Variants in EGFR observed in about 807,000 individuals in gnomAD.
EGFR encodes the protein epidermal growth factor receptor.
Under a neutral mutation model 143.0 loss-of-function variants are expected in EGFR, and 58 were observed. The observed-to-expected ratio is 0.41, with a 90% CI of 0.33 to 0.50. The LOEUF (loss-of-function observed/expected upper bound fraction) is 0.50, where lower values mean the gene tolerates loss of function less well. Ranked by LOEUF, EGFR falls within the 20% of genes least tolerant of loss-of-function variation. The pLI is 0.39. For synonymous variants in EGFR, 613 were observed against 594.4 expected, an observed-to-expected ratio of 1.03 and a Z score of -0.45; for missense variants, 1,307 against 1,579.0, an observed-to-expected ratio of 0.83 and a Z score of 2.92.
chr7:55,083,918 G>A lies in EGFR; in HGVS notation c.89-58368G>A, dbSNP rs901674446. ...ACAAGAAATCAAGAGGAAGGGATTAGAACATATAGGTTAGCAAGATTGGGA... is the reference window on the plus strand; with the variant it reads ...ACAAGAAATCAAGAGGAAGGGATTAAAACATATAGGTTAGCAAGATTGGGA... On this transcript the variant is annotated intron_variant, in intron 1 of 27. Transcript: ENST00000275493. 1.6e-4 allele frequency among the ~76,000 whole-genome samples: 24 copies of A among 152,282 alleles called. 1 individual carries two copies. Among genetic ancestry groups the A allele is most frequent in the South Asian group, 8.3e-4 (4 of 4,822 alleles).
chr7:55,180,051 C>T (rs1786789857), intron 19 of EGFR: 1 of 152,506 alleles, frequency 6.6e-6, no homozygotes, highest in African/African-American at 2.4e-5. Context: ...CTCCTATCTC[C>T]ACCCTGCCTC....
intron 20 of EGFR, 21 bp from the exon 21 acceptor site, chr7:55,191,698 G>A (rs2128964296): frequency 6.2e-7 from 1 of 1,613,346 alleles, no homozygotes; most frequent in Non-Finnish European, 8.5e-7. Flanking sequence ...GTCCCTCACA[G>A]CAGGGTCTTC....
chr7:55,039,010 G>C (rs892185865), intron 1 of EGFR, among the ~76,000 whole-genome samples: 1 of 151,210 alleles, frequency 6.6e-6, no homozygotes, highest in African/African-American at 2.4e-5. Flanking sequence ...GTTAGTAATT[G>C]CCAGAGGTGG....
intron 11 of EGFR, among the ~76,000 whole-genome samples, chr7:55,158,260 A>G (rs1785526441): frequency 6.6e-6 from 1 of 152,234 alleles, no homozygotes; most frequent in Non-Finnish European, 1.5e-5. Context: ...TGGAATAGAC[A>G]TGCAGGTGCT....
Position 55,157,723 on chromosome 7 carries a change from T to G in EGFR, c.1268T>G (p.Leu423Arg). Residue 423 changes from leucine to arginine, a missense_variant, in exon 11 of 28, where the codon CTA becomes CGA. Leu to Arg is a moderately radical substitution (Grantham distance 102, BLOSUM62 -2). Transcript: ENST00000275493. ...NRTDLHAFEN[L>R]EIIRGRTKQH... ...ACGGACCTCCATGCCTTTGAGAACC[T>G]AGAAATCATACGCGGCAGGACCAAG... 6.2e-7 allele frequency: 1 copy of G among 1,614,224 alleles called. No individual in the cohort carries two copies. Among genetic ancestry groups the G allele is most frequent in the Non-Finnish European group, 8.5e-7 (1 of 1,180,030 alleles).
At chr7:55,166,618 G>T (rs1417552670) in intron 15 of EGFR, among the ~76,000 whole-genome samples, 1 of 151,094 alleles carries the variant, frequency 6.6e-6, no homozygotes, top group Non-Finnish European at 1.5e-5. Context: ...GGTGGTGATG[G>T]TGGTGAGGAG....
At chr7:55,028,188 T>C (rs563538624) in intron 1 of EGFR, among the ~76,000 whole-genome samples, 6 of 152,126 alleles carry the variant, frequency 3.9e-5, no homozygotes, top group African/African-American at 1.4e-4. Context: ...ATGATTGTTT[T>C]AGCAGTCCTA....
rs764787649 is a variant in EGFR, at chr7:55,165,298, C to A, written c.1741C>A (p.Gln581Lys). The A allele has an allele frequency of 2.5e-6, 4 of 1,614,010 alleles. No homozygotes were observed. The highest frequency in any genetic ancestry group is 3.4e-6 in the Non-Finnish European group (4 of 1,180,030). The change falls in exon 15 of 28, where the codon CAG (glutamine) becomes AAG (lysine). Residue 581 changes from glutamine (Q) to lysine (K), a missense_variant. By Grantham distance (53) the Gln-to-Lys change is moderately conservative (BLOSUM62 1). Around this residue, in one of 7 missense-constraint regions of EGFR, gnomAD observed 250 missense variants for 295.1 expected, o/e 0.85. Coordinates refer to ENST00000275493, the MANE Select transcript of EGFR (RefSeq NM_005228.5). ...CTGRGPDNCI[Q>K]CAHYIDGPHC... ...GGTGCAGGGACCAGACAACTGTATC[C>A]AGTGTGCCCACTACATTGACGGCCC...
At chr7:55,025,120 T>G (rs879362935) in intron 1 of EGFR, among the ~76,000 whole-genome samples, 2 of 152,218 alleles carry the variant, frequency 1.3e-5, no homozygotes, top group Non-Finnish European at 2.9e-5. Flanking sequence ...GAGAGCTCCA[T>G]CCTCACTGTG....
chr7:55,202,393 A>C (rs1250136303), intron 26 of EGFR, 124 bp from the exon 27 acceptor site: 35 of 798,582 alleles, frequency 4.4e-5, no homozygotes, highest in Middle Eastern at 3.5e-4. Context: ...CAGGGTGCAG[A>C]CTCTCAGGCC....
intron 14 of EGFR, among the ~76,000 whole-genome samples, chr7:55,164,660 G>C (rs991628463): frequency 6.6e-6 from 1 of 152,184 alleles, no homozygotes; most frequent in Admixed American, 6.5e-5. Context: ...TTAGCCAAGG[G>C]GAAAGCCTTT....
intron 1 of EGFR, among the ~76,000 whole-genome samples, chr7:55,029,679 G>A (rs986556832): frequency 6.6e-6 from 1 of 152,138 alleles, no homozygotes; most frequent in African/African-American, 2.4e-5. Context: ...AAGTGGTGTT[G>A]TTAAGGGAGT....
chr7:55,144,380 C>A (rs1026496017), intron 3 of EGFR, among the ~76,000 whole-genome samples: 2 of 152,230 alleles, frequency 1.3e-5, no homozygotes, highest in African/African-American at 4.8e-5. Context: ...CCCTTGAGGG[C>A]CCCAGCTAGT....
intron 1 of EGFR, among the ~76,000 whole-genome samples, chr7:55,028,025 T>TATATATAC (rs869080650): frequency 1.7e-4 from 17 of 101,614 alleles, no homozygotes; most frequent in Middle Eastern, 5.2e-3. Flanking sequence ...TATATATATA[T>TATATATAC]ACACACACAC....
At chr7:55,170,073 C>T (rs901405721) in intron 15 of EGFR, among the ~76,000 whole-genome samples, 3 of 152,122 alleles carry the variant, frequency 2.0e-5, no homozygotes, top group African/African-American at 4.8e-5. Flanking sequence ...TCCACCCCTA[C>T]GAAGCCTGTG....
At chr7:55,194,434 G>C (rs895682268) in intron 22 of EGFR, among the ~76,000 whole-genome samples, 1 of 151,938 alleles carries the variant, frequency 6.6e-6, no homozygotes, top group African/African-American at 2.4e-5. Context: ...CACTATGTTG[G>C]CCAGGCTGGT....
At chr7:55,123,802 C>CTTA (rs1194090128) in intron 1 of EGFR, among the ~76,000 whole-genome samples, 1 of 152,024 alleles carries the variant, frequency 6.6e-6, no homozygotes, top group African/African-American at 2.4e-5. Flanking sequence ...GCAGGTTTTT[C>CTTA]TTAACTCAAA....
chr7:55,041,146 C>A (rs954906496), intron 1 of EGFR, among the ~76,000 whole-genome samples: 1 of 152,232 alleles, frequency 6.6e-6, no homozygotes, highest in African/African-American at 2.4e-5. Context: ...GGCGCAGTGG[C>A]TCATGCCTTT....
intron 1 of EGFR, among the ~76,000 whole-genome samples, chr7:55,115,057 A>G (rs894844008): frequency 6.6e-6 from 1 of 151,742 alleles, no homozygotes; most frequent in African/African-American, 2.4e-5. Flanking sequence ...AATTTTTTGT[A>G]TTTTTAGTAG....
Sources: allele counts gnomAD v4.1 joint callset (sites outside exome capture counted in the v4.1 genomes callset), GRCh38; gene constraint gnomAD v4.1.1; regional missense constraint gnomAD v4.1.1; transcripts MANE v1.5; gene names NCBI Gene and HGNC (gene_info 2026-07-23, HGNC 2026-07-21).